NRXN3: variants seen among roughly 807,000 people sequenced by gnomAD.
NRXN3 encodes neurexin 3.
In NRXN3, 32 loss-of-function variants were observed where a neutral mutation model predicts 137.6. That is an observed-to-expected ratio of 0.23 (90% CI 0.18 to 0.31). NRXN3 has a LOEUF of 0.31. NRXN3 is among the 10% of genes least tolerant of loss of function. NRXN3 has a pLI of 1.00. For missense variants in NRXN3, 1,574 were observed against 2,062.5 expected (o/e 0.76, Z 4.59); for synonymous variants, 798 against 784.5 (o/e 1.02, Z -0.29).
intron 20 of NRXN3, among the ~76,000 whole-genome samples, chr14:79,851,457 G>A (rs907073515): frequency 6.6e-6 from 1 of 151,898 alleles, no homozygotes; most frequent in Non-Finnish European, 1.5e-5. Context: ...AAAAATCTTG[G>A]TACGGACTGA....
intron 16 of NRXN3, among the ~76,000 whole-genome samples, chr14:79,616,731 G>T (rs1382506842): frequency 6.6e-6 from 1 of 152,170 alleles, no homozygotes; most frequent in African/African-American, 2.4e-5. Flanking sequence ...AAGTGTCCAT[G>T]TATTCCATGG....
chr14:78,593,501 A>C (rs1489674751), intron 4 of NRXN3, among the ~76,000 whole-genome samples: 2 of 152,198 alleles, frequency 1.3e-5, no homozygotes, highest in Non-Finnish European at 2.9e-5. Context: ...CCTTGTGACC[A>C]CAGTTATCTG....
intron 15 of NRXN3, among the ~76,000 whole-genome samples, chr14:79,115,188 G>A (rs1159100093): frequency 1.3e-5 from 2 of 152,026 alleles, no homozygotes; most frequent in African/African-American, 4.8e-5. Flanking sequence ...AGACAGACGT[G>A]GTGGCACATG....
At chr14:78,684,006 A>G (rs1180998216) in intron 6 of NRXN3, among the ~76,000 whole-genome samples, 1 of 152,194 alleles carries the variant, frequency 6.6e-6, no homozygotes, top group East Asian at 1.9e-4. Flanking sequence ...TAAAGGAAGG[A>G]TAATGTCATC....
intron 15 of NRXN3, among the ~76,000 whole-genome samples, chr14:79,302,361 A>G (rs963662138): frequency 1.3e-5 from 2 of 152,014 alleles, no homozygotes; most frequent in Non-Finnish European, 2.9e-5. Flanking sequence ...GCATGGCATC[A>G]GCATCTGCTT....
At chr14:79,462,313 C>T (rs776105295) in intron 15 of NRXN3, among the ~76,000 whole-genome samples, 1 of 152,006 alleles carries the variant, frequency 6.6e-6, no homozygotes, top group Non-Finnish European at 1.5e-5. Flanking sequence ...GCAGAGTTTA[C>T]AGTGAGCCAA....
At position 79,324,768 on chromosome 14, in the gene NRXN3, C is replaced by T. The variant is rs117235430; in HGVS notation, c.3263-142453C>T. On this transcript the variant is annotated intron_variant, in intron 15 of 20. Coordinates refer to ENST00000335750, the MANE Select transcript of NRXN3 (RefSeq NM_001330195.2). ...TAAATAGAATTGCCTAATATTTCAT[C>T]TAATAGCTTTATTCAATCATTAGAA... Among the ~76,000 whole-genome samples, 62 of 152,256 alleles carry T rather than the reference C, an allele frequency of 4.1e-4. No homozygotes were observed. In the East Asian group the frequency reaches 7.3e-3, roughly 18 times the overall value.
chr14:79,361,580 G>T (rs2093682500), intron 15 of NRXN3, among the ~76,000 whole-genome samples: 2 of 152,118 alleles, frequency 1.3e-5, no homozygotes, highest in Admixed American at 6.6e-5. Flanking sequence ...AGCCCAGTGT[G>T]TTGGTGCATG....
intron 19 of NRXN3, among the ~76,000 whole-genome samples, chr14:79,773,843 A>G (rs2099088024): frequency 6.6e-6 from 1 of 151,084 alleles, no homozygotes; most frequent in Admixed American, 6.6e-5. Context: ...AAAAAAAAAA[A>G]GAAATCAGGC....
chr14:79,111,281 T>G (rs2053474993), intron 15 of NRXN3, among the ~76,000 whole-genome samples: 1 of 152,208 alleles, frequency 6.6e-6, no homozygotes. Flanking sequence ...CTACTCAATC[T>G]TTTTGGAAAA....
chr14:78,993,075 G>A (rs2099522180), intron 15 of NRXN3, among the ~76,000 whole-genome samples: 1 of 152,308 alleles, frequency 6.6e-6, no homozygotes, highest in Admixed American at 6.5e-5. Context: ...CAAATCAATA[G>A]CAAGCAGCTG....
chr14:78,511,943 C>T (rs1411392738), intron 4 of NRXN3, among the ~76,000 whole-genome samples: 2 of 152,172 alleles, frequency 1.3e-5, no homozygotes, highest in Non-Finnish European at 2.9e-5. Context: ...AAGAGCTGAA[C>T]AAGTTATATT....
intron 10 of NRXN3, among the ~76,000 whole-genome samples, chr14:78,856,427 A>G (rs190598094): frequency 1.1e-3 from 161 of 152,324 alleles, no homozygotes; most frequent in African/African-American, 3.6e-3. Context: ...AAAGTAACTA[A>G]TGTAAATACT....
rs1005031113 is a variant in NRXN3 at position 79,151,921 on chromosome 14, C to A, written c.3262+163780C>A. The stretch of plus-strand genomic sequence containing the variant: ...AGTGTTTTATATTTTCATACTATAA[C>A]ATATTTCCATGATATTAAAATTGGC... On this transcript the variant is annotated intron_variant, in intron 15 of 20. Transcript: ENST00000335750. Among the ~76,000 whole-genome samples, 14 of 152,058 alleles carry A rather than the reference C, an allele frequency of 9.2e-5. 1 individual carries two copies. The highest frequency in any genetic ancestry group is 9.2e-4 in the Admixed American group (14 of 15,266).
chr14:79,522,011 C>T (rs2097070422), intron 16 of NRXN3, among the ~76,000 whole-genome samples: 2 of 152,128 alleles, frequency 1.3e-5, no homozygotes, highest in South Asian at 2.1e-4. Context: ...TAATACAGTC[C>T]TGGTGAGTCA....
At chr14:79,778,165 C>T (rs1464710889) in intron 19 of NRXN3, among the ~76,000 whole-genome samples, 1 of 152,176 alleles carries the variant, frequency 6.6e-6, no homozygotes, top group Non-Finnish European at 1.5e-5. Flanking sequence ...GCCTGTAATC[C>T]CAACACTTTG....
At chr14:78,403,608 G>T (rs1356488229) in intron 4 of NRXN3, 1 of 551,988 alleles carries the variant, frequency 1.8e-6, no homozygotes, top group Non-Finnish European at 2.3e-6. Flanking sequence ...ATGTGTGCAG[G>T]TTTCTAATTG....
chr14:78,222,480 G>A (rs534939955), intron 1 of NRXN3, among the ~76,000 whole-genome samples: 6 of 152,172 alleles, frequency 3.9e-5, no homozygotes, highest in African/African-American at 7.2e-5. Flanking sequence ...TCTCCCTTCC[G>A]GACTAACTGA....
At chr14:79,121,916 G>A (rs1291926977) in intron 15 of NRXN3, among the ~76,000 whole-genome samples, 2 of 152,322 alleles carry the variant, frequency 1.3e-5, no homozygotes, top group Non-Finnish European at 1.5e-5. Context: ...CTACCTGTGT[G>A]TATATGTACA....
Sources: allele counts gnomAD v4.1 joint callset (sites outside exome capture counted in the v4.1 genomes callset), GRCh38; gene constraint gnomAD v4.1.1; transcripts MANE v1.5; gene names NCBI Gene and HGNC (gene_info 2026-07-23, HGNC 2026-07-21).